LIMS4: variants seen among roughly 807,000 people sequenced by gnomAD.
LIMS4 encodes the protein LIM and senescent cell antigen-like-containing domain protein 4.
the LIMS4 span, among the ~76,000 whole-genome samples, chr2:110,407,602 C>G: frequency 7.2e-6 from 1 of 138,330 alleles, no homozygotes; most frequent in African/African-American, 2.7e-5. Context: ...GCGTGTGAGG[C>G]CCATGCTCTT....
At chr2:110,372,301 C>T in the LIMS4 span, among the ~76,000 whole-genome samples, 7 of 128,992 alleles carry the variant, frequency 5.4e-5, no homozygotes, top group African/African-American at 2.5e-4. Context: ...TTCCACATTG[C>T]ACTTTCAGCT....
chr2:110,427,182 A>G, the LIMS4 span, among the ~76,000 whole-genome samples: 1 of 130,602 alleles, frequency 7.7e-6, no homozygotes, highest in Non-Finnish European at 1.5e-5. Flanking sequence ...TGATGGGATT[A>G]TTTGTTTTTT....
chr2:110,367,006 C>A, the LIMS4 span, among the ~76,000 whole-genome samples: 1 of 150,166 alleles, frequency 6.7e-6, no homozygotes. Context: ...TAAAGGGAAC[C>A]AGGGAGGTGA....
At chr2:110,407,670 G>A in the LIMS4 span, among the ~76,000 whole-genome samples, 1 of 135,356 alleles carries the variant, frequency 7.4e-6, no homozygotes, top group Non-Finnish European at 1.6e-5. Flanking sequence ...TCTAATCCCA[G>A]GCCTTGGTGG....
At chr2:110,395,894 T>C in the LIMS4 span, among the ~76,000 whole-genome samples, 2 of 136,504 alleles carry the variant, frequency 1.5e-5, no homozygotes, top group Non-Finnish European at 1.5e-5. Flanking sequence ...ACATCGGAGC[T>C]GCCATGGGCA....
the LIMS4 span, among the ~76,000 whole-genome samples, chr2:110,425,015 T>G: frequency 1.4e-5 from 2 of 143,594 alleles, no homozygotes; most frequent in Non-Finnish European, 3.0e-5. Flanking sequence ...CGGTCAGCTT[T>G]GCGGAAGCTT....
chr2:110,382,196 C>T, the LIMS4 span, among the ~76,000 whole-genome samples: 1 of 78,348 alleles, frequency 1.3e-5, no homozygotes, highest in Admixed American at 1.7e-4. Flanking sequence ...GAAAATAACA[C>T]GATTTTAAAA....
chr2:110,362,120 G>A, the LIMS4 span: 2 of 765,566 alleles, frequency 2.6e-6, no homozygotes, highest in Non-Finnish European at 4.5e-6. Flanking sequence ...AGCAGCATCT[G>A]GCAGATAGTA....
chr2:110,361,847 G>A, the LIMS4 span: 1 of 842,604 alleles, frequency 1.2e-6, no homozygotes, highest in East Asian at 2.4e-5. Context: ...GTGGGAATGT[G>A]TGCTTGGGGC....
chr2:110,369,107 A>T, the LIMS4 span, among the ~76,000 whole-genome samples: 1 of 94,746 alleles, frequency 1.1e-5, no homozygotes, highest in Non-Finnish European at 2.0e-5. Flanking sequence ...GTTTAAGCCA[A>T]TTTTTTTATC....
the LIMS4 span, among the ~76,000 whole-genome samples, chr2:110,418,934 C>T: frequency 1.2e-5 from 1 of 80,030 alleles, no homozygotes; most frequent in South Asian, 5.6e-4. Flanking sequence ...AGGTAACAAC[C>T]ACTGCACCCC....
At chr2:110,395,977 G>A in the LIMS4 span, among the ~76,000 whole-genome samples, 1 of 141,408 alleles carries the variant, frequency 7.1e-6, no homozygotes, top group East Asian at 2.0e-4. Context: ...ACAGGGTGGG[G>A]CAGCCTTGTG....
chr2:110,366,597 C>A, the LIMS4 span, among the ~76,000 whole-genome samples: 3 of 151,892 alleles, frequency 2.0e-5, no homozygotes, highest in East Asian at 5.8e-4. Flanking sequence ...ACTGAACAGG[C>A]AGAAGCTGGG....
chr2:110,373,484 AC>A, the LIMS4 span, among the ~76,000 whole-genome samples: 1 of 138,378 alleles, frequency 7.2e-6, no homozygotes, highest in East Asian at 2.1e-4. Flanking sequence ...CTCCCCAGGG[AC>A]CCAGGCCACC....
the LIMS4 span, among the ~76,000 whole-genome samples, chr2:110,367,725 C>T: frequency 8.3e-4 from 120 of 145,366 alleles, 2 homozygotes; most frequent in Admixed American, 2.1e-3. Context: ...AAAAAAAATA[C>T]GAAGAATTAG....
the LIMS4 span, chr2:110,360,656 G>C: frequency 2.0e-6 from 3 of 1,531,786 alleles, no homozygotes; most frequent in South Asian, 1.1e-5. Context: ...GCCATACCAT[G>C]TGTCTGCATG....
the LIMS4 span, among the ~76,000 whole-genome samples, chr2:110,395,818 T>C: frequency 8.3e-6 from 1 of 120,008 alleles, no homozygotes; most frequent in Non-Finnish European, 1.7e-5. Flanking sequence ...TGAGCCATCA[T>C]GTCCCTGATC....
chr2:110,425,572 G>A, the LIMS4 span, among the ~76,000 whole-genome samples: 1 of 140,756 alleles, frequency 7.1e-6, no homozygotes, highest in Non-Finnish European at 1.5e-5. Flanking sequence ...AAATAGGGAG[G>A]TTATCCTGGA....
the LIMS4 span, among the ~76,000 whole-genome samples, chr2:110,425,694 G>A: frequency 7.0e-6 from 1 of 142,108 alleles, no homozygotes; most frequent in Non-Finnish European, 1.5e-5. Context: ...GGACGCTGTT[G>A]CCTCGAGGAT....
Sources: gnomAD v4.1 joint callset for allele counts (sites outside exome capture counted in the v4.1 genomes callset) on GRCh38, gnomAD v4.1.1 for gene constraint, MANE v1.5 for transcripts, NCBI Gene and HGNC (gene_info 2026-07-23, HGNC 2026-07-21) for gene names.